Variants in KIAA2012 observed in about 807,000 individuals in gnomAD.
KIAA2012 encodes KIAA2012.
KIAA2012 carries 125 observed loss-of-function variants against 150.6 expected under a neutral mutation model. That is an observed-to-expected ratio of 0.83 (90% CI 0.72 to 0.96). The LOEUF is 0.96. KIAA2012 is among the 40% of genes least tolerant of loss of function. The probability of loss-of-function intolerance (pLI) is 0.00; values close to 1 mark genes in which losing one functional copy is unlikely to be tolerated. For synonymous variants in KIAA2012, 462 were observed against 504.7 expected, an observed-to-expected ratio of 0.92 and a Z score of 1.13; for missense variants, 1,219 against 1,354.9, an observed-to-expected ratio of 0.90 and a Z score of 1.57.
chr2:202,081,343 T>A (rs974843629), intron 2 of KIAA2012, among the ~76,000 whole-genome samples: 4 of 152,296 alleles, frequency 2.6e-5, no homozygotes, highest in Admixed American at 2.6e-4. Flanking sequence ...GTCCTTGTTT[T>A]CAATTATTTT....
chr2:202,180,700 G>C (rs571534457), intron 15 of KIAA2012, among the ~76,000 whole-genome samples: 8 of 151,992 alleles, frequency 5.3e-5, no homozygotes, highest in African/African-American at 9.7e-5. Context: ...TGGTGCATGC[G>C]TGTAACCCCT....
chr2:202,181,588 T>C (rs75897698), intron 15 of KIAA2012, among the ~76,000 whole-genome samples: 1 of 141,544 alleles, frequency 7.1e-6, no homozygotes, highest in Non-Finnish European at 1.5e-5. Flanking sequence ...TCTCTAAGAA[T>C]AAAAAAAAAA....
chr2:202,201,240 G>T, intron 22 of KIAA2012: 1 of 1,498,176 alleles, frequency 6.7e-7, no homozygotes, highest in Middle Eastern at 2.2e-4. Context: ...AAAAGTGCCT[G>T]AAAGTTGGGG....
chr2:202,127,686 A>G (rs761269328), intron 12 of KIAA2012, among the ~76,000 whole-genome samples: 5 of 152,230 alleles, frequency 3.3e-5, no homozygotes, highest in Admixed American at 6.5e-5. Context: ...TCTCGCCTCT[A>G]TTCCTAGTAA....
In KIAA2012 at chr2:202,194,241, G is replaced by A. The variant is rs184260959; in HGVS notation, c.3066G>A (p.Glu1022=). 9 of 1,550,630 alleles carry A rather than the reference G, an allele frequency of 5.8e-6. No homozygotes were observed. In the African/African-American group the frequency reaches 9.6e-5, roughly 16 times the overall value. ...QEEQQRQEEE[E]RKQQLRLKAA... is the part of the protein sequence containing the mutation. ...AACAGCAGCGGCAGGAGGAGGAGGAGAGAAAGCAGCAGCTCCGGTTGAAAG... is the reference window on the plus strand; with the variant it reads ...AACAGCAGCGGCAGGAGGAGGAGGAAAGAAAGCAGCAGCTCCGGTTGAAAG... The change falls in exon 21 of 24, where the codon GAG becomes GAA. Residue 1022 remains glutamate, a synonymous_variant. Coordinates refer to ENST00000498697, the MANE Select transcript of KIAA2012 (RefSeq NM_001277372.4).
intron 14 of KIAA2012, among the ~76,000 whole-genome samples, chr2:202,162,644 G>A (rs993787086): frequency 1.3e-4 from 18 of 142,614 alleles, no homozygotes; most frequent in African/African-American, 4.2e-4. Context: ...ATAAAGAGAT[G>A]CTTGTAGGCC....
intron 4 of KIAA2012, among the ~76,000 whole-genome samples, chr2:202,094,350 A>T (rs1051297356): frequency 6.6e-6 from 1 of 152,212 alleles, no homozygotes. Flanking sequence ...CTTTGGGGAA[A>T]TGATCCGGTC....
intron 15 of KIAA2012, among the ~76,000 whole-genome samples, chr2:202,171,847 CTTTTTTTT>C (rs60916677): frequency 1.2e-4 from 14 of 116,704 alleles, no homozygotes; most frequent in African/African-American, 4.8e-4. Flanking sequence ...TTGGCATTTA[CTTTTTTTT>C]TTTTTTTTTT....
intron 15 of KIAA2012, among the ~76,000 whole-genome samples, chr2:202,171,773 T>A (rs1691897989): frequency 6.6e-6 from 1 of 152,082 alleles, no homozygotes; most frequent in Non-Finnish European, 1.5e-5. Flanking sequence ...ATTGGACTTT[T>A]TAATTGATAC....
At chr2:202,125,383 C>T in intron 12 of KIAA2012, 101 bp downstream of exon 12, 1 of 830,126 alleles carries the variant, frequency 1.2e-6, no homozygotes, top group Non-Finnish European at 1.9e-6. Flanking sequence ...CAATTTCTCC[C>T]CAAATATACC....
chr2:202,203,233 T>C (rs975203497), intron 23 of KIAA2012, among the ~76,000 whole-genome samples: 1 of 152,164 alleles, frequency 6.6e-6, no homozygotes, highest in African/African-American at 2.4e-5. Flanking sequence ...CTGAAAGAGT[T>C]TAGATAAATG....
At chr2:202,195,256 A>G (rs948082642) in intron 21 of KIAA2012, among the ~76,000 whole-genome samples, 1 of 151,484 alleles carries the variant, frequency 6.6e-6, no homozygotes, top group African/African-American at 2.4e-5. Context: ...GGTGGCTCAC[A>G]CCTATAATCC....
chr2:202,109,691 G>C lies in KIAA2012; in HGVS notation c.1553G>C (p.Ser518Thr). 2 of 1,550,690 alleles carry C rather than the reference G, an allele frequency of 1.3e-6. No individual in the cohort carries two copies. The highest frequency in any genetic ancestry group is 8.7e-7 in the Non-Finnish European group (1 of 1,146,994). The change falls in exon 10 of 24, where the codon AGC (serine) becomes ACC (threonine). Residue 518 changes from serine to threonine, a missense_variant. Coordinates refer to ENST00000498697, the MANE Select transcript of KIAA2012 (RefSeq NM_001277372.4). ...PPIKGKKSPE[S>T]QKGVDSPRTS... ...ATTAAAGGAAAAAAAAGTCCTGAGA[G>C]CCAGAAGGGCGTGGACAGCCCTAGG...
intron 2 of KIAA2012, among the ~76,000 whole-genome samples, chr2:202,083,094 A>G (rs1252836340): frequency 6.6e-6 from 1 of 152,164 alleles, no homozygotes; most frequent in South Asian, 2.1e-4. Context: ...TTTGATGCTG[A>G]ATGGTTTGGT....
intron 22 of KIAA2012, among the ~76,000 whole-genome samples, chr2:202,200,078 A>G (rs967385152): frequency 1.3e-5 from 2 of 151,564 alleles, no homozygotes; most frequent in Non-Finnish European, 2.9e-5. Flanking sequence ...TTACAGGCGC[A>G]TGCCACCACG....
In KIAA2012 at chr2:202,104,966, A is replaced by G. The variant is rs1690143385; in HGVS notation, c.1325-795A>G. On this transcript the variant is annotated intron_variant, in intron 8 of 23. Transcript: ENST00000498697. The surrounding 1 kb of genome is among the most constrained non-coding windows in gnomAD (Gnocchi z 4.3). The stretch of plus-strand genomic sequence containing the variant: ...TCATGAACCAGATTCTTAAAGCCAG[A>G]TGCACTGAGCTTACCAACACACTGA... 6.6e-6 allele frequency among the ~76,000 whole-genome samples: 1 copy of G among 152,240 alleles called. No homozygotes were observed. The highest frequency in any genetic ancestry group is 1.5e-5 in the Non-Finnish European group (1 of 68,044).
chr2:202,146,161 C>T (rs1335726980), intron 13 of KIAA2012, among the ~76,000 whole-genome samples: 1 of 152,164 alleles, frequency 6.6e-6, no homozygotes. Context: ...ATGAACCGCA[C>T]TTTAAAGAGG....
At chr2:202,109,840 C>T in intron 10 of KIAA2012, 51 bp downstream of exon 10, 2 of 1,455,980 alleles carry the variant, frequency 1.4e-6, no homozygotes, top group South Asian at 2.8e-5. Flanking sequence ...GAATGTGGCT[C>T]ATTGCCAGGG....
intron 13 of KIAA2012, among the ~76,000 whole-genome samples, chr2:202,147,839 C>T (rs1691333027): frequency 6.6e-6 from 1 of 152,056 alleles, no homozygotes; most frequent in Admixed American, 6.6e-5. Flanking sequence ...GTTCAGATTT[C>T]CCACCTTTCA....
Sources: gnomAD v4.1 joint callset for allele counts (sites outside exome capture counted in the v4.1 genomes callset) on GRCh38, gnomAD v4.1.1 for gene constraint, Gnocchi (gnomAD v3.1) non-coding constraint, MANE v1.5 for transcripts, NCBI Gene and HGNC (gene_info 2026-07-23, HGNC 2026-07-21) for gene names.